STRBP: variants seen among roughly 807,000 people sequenced by gnomAD.
STRBP encodes spermatid perinuclear RNA-binding protein.
A neutral mutation model predicts 80.1 loss-of-function variants in STRBP; 13 were observed. The observed-to-expected ratio is 0.16, with a 90% CI of 0.11 to 0.26. STRBP has a LOEUF of 0.26. Ranked by LOEUF, STRBP falls within the 10% of genes least tolerant of loss-of-function variation. The pLI is 1.00. For missense variants in STRBP, 485 were observed against 815.2 expected (o/e 0.59, Z 4.93); for synonymous variants, 284 against 291.2 (o/e 0.98, Z 0.25).
chr9:123,170,895 T>G (rs895135536), intron 5 of STRBP, among the ~76,000 whole-genome samples: 1 of 152,136 alleles, frequency 6.6e-6, no homozygotes, highest in Non-Finnish European at 1.5e-5. Context: ...CCAGGCTGAA[T>G]AGGGACACTA....
rs995320130 is a variant in STRBP at position 123,124,248 on chromosome 9, A to AT, written c.*1348dup. The AT allele has an allele frequency of 9.2e-5, 91 of 985,318 alleles. No individual in the cohort carries two copies. Among genetic ancestry groups the AT allele is most frequent in the Non-Finnish European group, 1.0e-4 (87 of 829,936 alleles). The allele number at this position is 985,318 out of a possible 1,614,324, so 61.0% of individuals were successfully genotyped here. A position where few individuals can be genotyped will look rare whatever the true frequency, so the allele number is the denominator to read the frequency against. On this transcript the variant is annotated 3_prime_UTR_variant, in exon 19 of 19. Transcript: ENST00000348403. Reference sequence around the variant, plus strand: ...AAGCTAATTCATACTAAAAACAGACATTTTTAAGACATGGTGCCTTATAAA... The same window carrying AT: ...AAGCTAATTCATACTAAAAACAGACATTTTTTAAGACATGGTGCCTTATAAA...
chr9:123,139,230 A>G (rs2036487680), intron 14 of STRBP, among the ~76,000 whole-genome samples: 1 of 152,220 alleles, frequency 6.6e-6, no homozygotes, highest in African/African-American at 2.4e-5. Context: ...AGCAGCTTCC[A>G]TGGCCAGCAA....
chr9:123,137,800 C>G (rs954055537), intron 14 of STRBP, among the ~76,000 whole-genome samples: 5 of 152,178 alleles, frequency 3.3e-5, no homozygotes, highest in African/African-American at 1.2e-4. Flanking sequence ...GTTGATGCTT[C>G]AGACGTGAAA....
intron 11 of STRBP, among the ~76,000 whole-genome samples, chr9:123,153,799 G>A (rs1429546445): frequency 6.6e-6 from 1 of 152,176 alleles, no homozygotes; most frequent in African/African-American, 2.4e-5. Context: ...ACAATCTTCA[G>A]TATAAAAAGG....
chr9:123,206,527 T>C (rs970735734), intron 2 of STRBP, among the ~76,000 whole-genome samples: 1 of 152,196 alleles, frequency 6.6e-6, no homozygotes, highest in Non-Finnish European at 1.5e-5. Flanking sequence ...ATTGGCCATA[T>C]GTTGATAGGT....
intron 8 of STRBP, among the ~76,000 whole-genome samples, chr9:123,160,047 C>A (rs2037458130): frequency 6.6e-6 from 1 of 152,122 alleles, no homozygotes; most frequent in Non-Finnish European, 1.5e-5. Flanking sequence ...TTGTGGGCAG[C>A]AGGTGAACAC....
intron 16 of STRBP, among the ~76,000 whole-genome samples, chr9:123,135,273 GCTT>G (rs1190402372): frequency 2.0e-5 from 3 of 151,986 alleles, no homozygotes; most frequent in Admixed American, 6.6e-5. Flanking sequence ...AACAATCTAA[GCTT>G]CTTTTTATTA....
rs1048774012 is a variant in STRBP at position 123,178,141 on chromosome 9, T to C, written c.224+866A>G. On this transcript the variant is annotated intron_variant, in intron 4 of 18. Coordinates refer to ENST00000348403, the MANE Select transcript of STRBP (RefSeq NM_018387.5). The stretch of plus-strand genomic sequence containing the variant: ...TGAAGATAAAAAAAGTTATACTATC[T>C]TTCAGTGAAGAAAATCCATTTATCA... Among the ~76,000 whole-genome samples the C allele has an allele frequency of 2.0e-5, 3 of 152,338 alleles. No homozygotes were observed. The East Asian group carries it at 5.8e-4, about 29-fold the overall frequency.
At chr9:123,146,779 ATTT>A in intron 13 of STRBP, 73 bp downstream of exon 13, 1 of 1,259,370 alleles carries the variant, frequency 7.9e-7, no homozygotes, top group Non-Finnish European at 1.1e-6. Context: ...AAAAATGATA[ATTT>A]ATTATAGGAA....
intron 17 of STRBP, among the ~76,000 whole-genome samples, chr9:123,130,219 G>T (rs2036075948): frequency 6.6e-6 from 1 of 152,032 alleles, no homozygotes; most frequent in African/African-American, 2.4e-5. Flanking sequence ...GTTGCCAGGG[G>T]AATTTAATTA....
rs115316719 is a variant in STRBP at position 123,160,045 on chromosome 9, A to G, written c.723+322T>C. Among the ~76,000 whole-genome samples, 450 of 152,320 alleles carry G rather than the reference A, an allele frequency of 3.0e-3. 4 individuals carry two copies. Among genetic ancestry groups the G allele is most frequent in the African/African-American group, 0.01 (427 of 41,574 alleles). ...GTCAGCCAAGGAGACTTTTGTGGGC[A>G]GCAGGTGAACACTAAGTGATTAACC... On this transcript the variant is annotated intron_variant, in intron 8 of 18. Coordinates refer to ENST00000348403, the MANE Select transcript of STRBP (RefSeq NM_018387.5).
intron 6 of STRBP, among the ~76,000 whole-genome samples, chr9:123,162,539 A>G (rs1044238580): frequency 6.6e-6 from 1 of 152,200 alleles, no homozygotes; most frequent in African/African-American, 2.4e-5. Context: ...TAACTGATGA[A>G]ATGTCATTAA....
intron 16 of STRBP, 132 bp from the exon 17 acceptor site, chr9:123,133,100 G>C: frequency 9.2e-7 from 1 of 1,091,902 alleles, no homozygotes; most frequent in Non-Finnish European, 1.3e-6. Flanking sequence ...CTGTGATCTT[G>C]AACCTTCAAT....
rs992908679 is a variant in STRBP, at chr9:123,268,559, T to C, written c.-425A>G. The C allele has an allele frequency of 3.0e-5, 5 of 167,420 alleles. No individual in the cohort carries two copies. Among genetic ancestry groups the C allele is most frequent in the Non-Finnish European group, 6.3e-5 (5 of 79,232 alleles). The allele number at this position is 167,420 out of a possible 1,614,324, so 10.4% of individuals were successfully genotyped here. ...GCGGCTGCGGCGGCTGCTGCCCTGGTGGCGCTCGCGGCTCCGGTCTCCGCT... is the reference window on the plus strand; with the variant it reads ...GCGGCTGCGGCGGCTGCTGCCCTGGCGGCGCTCGCGGCTCCGGTCTCCGCT... On this transcript the variant is annotated 5_prime_UTR_variant, in exon 1 of 19. Transcript: ENST00000348403.
At chr9:123,109,726 A>G (rs1317035647) in exon 4 of STRBP, 1 of 152,222 alleles carries the variant, frequency 6.6e-6, no homozygotes, top group East Asian at 1.9e-4. Context: ...ATGACCATCC[A>G]CATGTGCAGG....
chr9:123,225,753 C>G (rs2040215714), intron 2 of STRBP, among the ~76,000 whole-genome samples: 1 of 152,200 alleles, frequency 6.6e-6, no homozygotes, highest in African/African-American at 2.4e-5. Context: ...CTCCAGCCCT[C>G]CAAGAGATTC....
At chr9:123,227,486 G>T (rs1564319093) in intron 2 of STRBP, among the ~76,000 whole-genome samples, 1 of 151,654 alleles carries the variant, frequency 6.6e-6, no homozygotes, top group African/African-American at 2.4e-5. Flanking sequence ...GTTACTGAGT[G>T]AAACAGGGAG....
chr9:123,158,572 G>T, intron 9 of STRBP, 143 bp from the exon 10 acceptor site: 1 of 682,074 alleles, frequency 1.5e-6, no homozygotes, highest in Non-Finnish European at 2.5e-6. Flanking sequence ...GCTCAGTTAA[G>T]TGGAGTAAAA....
chr9:123,169,162 G>A (rs1051573349), intron 6 of STRBP, among the ~76,000 whole-genome samples: 1 of 150,824 alleles, frequency 6.6e-6, no homozygotes, highest in African/African-American at 2.4e-5. Context: ...GCAATATGAT[G>A]CAAATAATTC....
Sources: gnomAD v4.1 joint callset for allele counts (sites outside exome capture counted in the v4.1 genomes callset) on GRCh38, gnomAD v4.1.1 for gene constraint, MANE v1.5 for transcripts, NCBI Gene and HGNC (gene_info 2026-07-23, HGNC 2026-07-21) for gene names.